Variants in EPSTI1 observed in about 807,000 individuals in gnomAD.
The protein encoded by EPSTI1 is epithelial stromal interaction 1.
A neutral mutation model predicts 49.9 loss-of-function variants in EPSTI1; 66 were observed. The observed-to-expected ratio is 1.32, with a 90% CI of 1.08 to 1.62. The LOEUF (loss-of-function observed/expected upper bound fraction) is 1.62. Ranked by LOEUF, EPSTI1 falls within the 40% of genes most tolerant of loss-of-function variation. The pLI, the probability that EPSTI1 is intolerant of heterozygous loss-of-function variation, is 0.00. For missense variants in EPSTI1, 394 were observed against 365.5 expected (o/e 1.08, Z -0.64); for synonymous variants, 137 against 130.7 (o/e 1.05, Z -0.33).
At chr13:42,907,499 T>A (rs991615220) in intron 8 of EPSTI1, among the ~76,000 whole-genome samples, 1 of 152,194 alleles carries the variant, frequency 6.6e-6, no homozygotes, top group African/African-American at 2.4e-5. Flanking sequence ...TACCTTTAGA[T>A]CTAATATTTT....
chr13:42,970,487 A>G, intron 2 of EPSTI1, 125 bp downstream of exon 2: 1 of 791,322 alleles, frequency 1.3e-6, no homozygotes, highest in Non-Finnish European at 1.9e-6. Flanking sequence ...ACTAAAAAAA[A>G]CAAAAAACCT....
intron 8 of EPSTI1, among the ~76,000 whole-genome samples, chr13:42,917,161 T>G (rs1378162868): frequency 6.6e-6 from 1 of 152,188 alleles, no homozygotes; most frequent in African/African-American, 2.4e-5. Flanking sequence ...CATGCCTACT[T>G]TCTTATGCAT....
At chr13:42,910,356 G>T (rs1026192875) in intron 8 of EPSTI1, among the ~76,000 whole-genome samples, 1 of 150,326 alleles carries the variant, frequency 6.7e-6, no homozygotes, top group African/African-American at 2.5e-5. Context: ...CCGGCTCCTG[G>T]GTTCAAGTGA....
chr13:42,914,833 AG>A (rs1374965260), intron 8 of EPSTI1, among the ~76,000 whole-genome samples: 3 of 152,206 alleles, frequency 2.0e-5, no homozygotes, highest in Admixed American at 2.0e-4. Flanking sequence ...AAAAAAAGGA[AG>A]CATCCAATGG....
intron 4 of EPSTI1, among the ~76,000 whole-genome samples, chr13:42,963,847 C>T (rs1469692707): frequency 6.6e-6 from 1 of 152,048 alleles, no homozygotes; most frequent in African/African-American, 2.4e-5. Context: ...TTCCCTTAAT[C>T]GAGGGTCATG....
intron 6 of EPSTI1, among the ~76,000 whole-genome samples, chr13:42,951,353 T>C (rs892314584): frequency 2.0e-5 from 3 of 152,236 alleles, no homozygotes; most frequent in African/African-American, 7.2e-5. Context: ...CAAAACATAA[T>C]ACTCTTTCAA....
chr13:42,936,182 C>T (rs1262580664), intron 6 of EPSTI1, among the ~76,000 whole-genome samples: 2 of 152,172 alleles, frequency 1.3e-5, no homozygotes, highest in Admixed American at 1.3e-4. Context: ...CTTCTGTCAT[C>T]CCCTTGTGTC....
intron 6 of EPSTI1, among the ~76,000 whole-genome samples, chr13:42,948,795 A>G (rs2039002879): frequency 6.6e-6 from 1 of 152,116 alleles, no homozygotes; most frequent in African/African-American, 2.4e-5. Context: ...GCTTCTTATT[A>G]CTTTATTTGA....
At chr13:42,919,073 C>G (rs901678734) in intron 7 of EPSTI1, among the ~76,000 whole-genome samples, 1 of 152,142 alleles carries the variant, frequency 6.6e-6, no homozygotes, top group African/African-American at 2.4e-5. Flanking sequence ...AAAATTACAA[C>G]TTGAATGAGA....
In EPSTI1 at chr13:42,922,500, C is replaced by T. The variant is rs554647317; in HGVS notation, c.657+3836G>A. On this transcript the variant is annotated intron_variant, in intron 7 of 10. Coordinates refer to ENST00000313624, the MANE Select transcript of EPSTI1 (RefSeq NM_033255.5). The surrounding 1 kb of genome is among the most constrained non-coding windows in gnomAD (Gnocchi z 4.8). ...TTTGCGGGGACAGGGGACAGATGCC[C>T]CCCGGAAGCTTCAAAAGGAACCATT... Among the ~76,000 whole-genome samples the T allele has an allele frequency of 4.8e-4, 73 of 152,166 alleles. No homozygotes were observed. Among genetic ancestry groups the T allele is most frequent in the Non-Finnish European group, 8.2e-4 (56 of 68,002 alleles).
At chr13:42,912,999 C>T (rs912150566) in intron 8 of EPSTI1, among the ~76,000 whole-genome samples, 2 of 151,378 alleles carry the variant, frequency 1.3e-5, no homozygotes, top group Admixed American at 6.6e-5. Context: ...TGAAGAGAGA[C>T]ATGTATTTTC....
intron 6 of EPSTI1, among the ~76,000 whole-genome samples, chr13:42,944,344 A>G (rs1379021663): frequency 6.6e-6 from 1 of 152,250 alleles, no homozygotes; most frequent in Non-Finnish European, 1.5e-5. Flanking sequence ...CAGACATAAA[A>G]AAGGATGAGT....
At chr13:42,957,732 C>T (rs1449457685) in intron 5 of EPSTI1, among the ~76,000 whole-genome samples, 2 of 152,154 alleles carry the variant, frequency 1.3e-5, no homozygotes, top group Non-Finnish European at 2.9e-5. Context: ...CGTACCACCA[C>T]ACCTGGCTAA....
At chr13:42,972,944 C>G (rs1359404291) in intron 1 of EPSTI1, among the ~76,000 whole-genome samples, 1 of 152,110 alleles carries the variant, frequency 6.6e-6, no homozygotes, top group Non-Finnish European at 1.5e-5. Flanking sequence ...AGATCCAAAA[C>G]AGTGGAGATT....
intron 10 of EPSTI1, 39 bp downstream of exon 10, chr13:42,894,970 A>G (rs1163158749): frequency 1.3e-6 from 2 of 1,505,724 alleles, no homozygotes; most frequent in Non-Finnish European, 1.8e-6. Flanking sequence ...TTTATTCTTC[A>G]ACATTGAAAG....
chr13:42,889,105 A>ACTGC, intron 10 of EPSTI1: 2 of 899,860 alleles, frequency 2.2e-6, no homozygotes, highest in Non-Finnish European at 3.5e-6. Flanking sequence ...GAAATGCTTA[A>ACTGC]CTGCCCCTGA....
At chr13:42,952,850 G>A (rs569108736) in intron 6 of EPSTI1, among the ~76,000 whole-genome samples, 1 of 152,204 alleles carries the variant, frequency 6.6e-6, no homozygotes, top group African/African-American at 2.4e-5. Context: ...CTTAAAGCAA[G>A]AAGGAGCTGC....
At chr13:42,976,363 C>G (rs774919127) in intron 1 of EPSTI1, among the ~76,000 whole-genome samples, 3 of 152,148 alleles carry the variant, frequency 2.0e-5, no homozygotes, top group Non-Finnish European at 1.5e-5. Context: ...TCAAGGTTCC[C>G]AGCTAAATAA....
intron 1 of EPSTI1, among the ~76,000 whole-genome samples, chr13:42,989,783 C>T (rs1457417110): frequency 2.6e-5 from 4 of 151,270 alleles, no homozygotes; most frequent in Admixed American, 6.6e-5. Flanking sequence ...TTAGTAGAGA[C>T]GGGGTTTCAC....
Sources: allele counts gnomAD v4.1 joint callset (sites outside exome capture counted in the v4.1 genomes callset), GRCh38; gene constraint gnomAD v4.1.1; non-coding constraint Gnocchi (gnomAD v3.1); transcripts MANE v1.5; gene names NCBI Gene and HGNC (gene_info 2026-07-23, HGNC 2026-07-21).